The following ESR1 variants were observed in gnomAD, a reference collection of about 807,000 sequenced individuals.
The protein encoded by ESR1 is estrogen receptor 1.
In ESR1, 12 loss-of-function variants were observed where a neutral mutation model predicts 52.7. The observed-to-expected ratio is 0.23, with a 90% CI of 0.15 to 0.37. The LOEUF is 0.37. Ranked by LOEUF, ESR1 falls within the 10% of genes least tolerant of loss-of-function variation. The pLI is 1.00. For missense variants in ESR1, 584 were observed against 779.7 expected (o/e 0.75, Z 2.99); for synonymous variants, 305 against 316.8 (o/e 0.96, Z 0.39).
chr6:152,055,100 G>C (rs1256562315), intron 5 of ESR1, among the ~76,000 whole-genome samples: 1 of 152,032 alleles, frequency 6.6e-6, no homozygotes, highest in Non-Finnish European at 1.5e-5. Flanking sequence ...TGGTCACCCA[G>C]GTTGATTCCA....
At chr6:151,768,889 C>T (rs6916835) in intron 2 of ESR1, among the ~76,000 whole-genome samples, 45,476 of 152,070 alleles carry the variant, frequency 0.3, 8,525 homozygotes, top group East Asian at 0.72. Context: ...TGTTTTCCTG[C>T]TGGTCAAAGA....
chr6:151,838,334 G>C (rs1409614487), intron 1 of ESR1, among the ~76,000 whole-genome samples: 1 of 152,236 alleles, frequency 6.6e-6, no homozygotes, highest in African/African-American at 2.4e-5. Context: ...GCCAGGTAGA[G>C]AGCAGCAGGA....
intron 1 of ESR1, among the ~76,000 whole-genome samples, chr6:151,678,971 C>A (rs1246379553): frequency 6.6e-6 from 1 of 152,200 alleles, no homozygotes; most frequent in Non-Finnish European, 1.5e-5. Context: ...AGGCATGAGC[C>A]ACCACACCCA....
chr6:152,016,070 G>A (rs559153712), intron 5 of ESR1, among the ~76,000 whole-genome samples: 1 of 152,206 alleles, frequency 6.6e-6, no homozygotes, highest in South Asian at 2.1e-4. Context: ...CTGTTAGTGT[G>A]GTAGTGAATA....
rs1423421688 is a variant in ESR1 at position 152,061,048 on chromosome 6, A to G, written c.1293A>G (p.Thr431=). 1.2e-6 allele frequency: 2 copies of G among 1,613,504 alleles called. No individual in the cohort carries two copies. The highest frequency in any genetic ancestry group is 1.7e-5 in the Admixed American group (1 of 59,972). ...MVEIFDMLLA[T]SSRFRMMNLQ... ...AGATCTTCGACATGCTGCTGGCTAC[A>G]TCATCTCGGTTCCGCATGATGAATC... Residue 431 remains threonine (T), a synonymous_variant, in exon 6 of 8, where the codon ACA becomes ACG. Coordinates refer to ENST00000206249, the MANE Select transcript of ESR1 (RefSeq NM_000125.4). This position sits in a 1 kb window ranked among gnomAD's most constrained non-coding sequence, Gnocchi z 4.3.
At chr6:151,758,414 C>G (rs549098972) in intron 2 of ESR1, among the ~76,000 whole-genome samples, 2 of 152,230 alleles carry the variant, frequency 1.3e-5, no homozygotes, top group East Asian at 3.9e-4. Flanking sequence ...AAAAATATAG[C>G]ATGTGTGAGT....
At chr6:151,926,302 C>T (rs1226463238) in intron 3 of ESR1, among the ~76,000 whole-genome samples, 1 of 152,096 alleles carries the variant, frequency 6.6e-6, no homozygotes, top group Non-Finnish European at 1.5e-5. Context: ...TTTTGTTCTT[C>T]TTCAGTATTA....
chr6:151,870,516 A>G (rs1041117969), intron 2 of ESR1, among the ~76,000 whole-genome samples: 1 of 152,212 alleles, frequency 6.6e-6, no homozygotes, highest in African/African-American at 2.4e-5. Context: ...GCACTCCTGA[A>G]AGACTTGTGA....
intron 5 of ESR1, among the ~76,000 whole-genome samples, chr6:152,050,881 G>T (rs1056140666): frequency 8.5e-5 from 13 of 152,212 alleles, no homozygotes; most frequent in Non-Finnish European, 1.8e-4. Context: ...GTTTAATATT[G>T]TCAATTGTCA....
intron 7 of ESR1, among the ~76,000 whole-genome samples, chr6:152,096,134 A>T (rs2152500038): frequency 6.6e-6 from 1 of 152,328 alleles, no homozygotes; most frequent in Middle Eastern, 3.4e-3. Flanking sequence ...AAGTGATGAC[A>T]CTAGAAGGAC....
chr6:151,852,542 A>G, intron 2 of ESR1, among the ~76,000 whole-genome samples: 1 of 152,160 alleles, frequency 6.6e-6, no homozygotes, highest in East Asian at 1.9e-4. Flanking sequence ...CAATTCAGAA[A>G]GAACATCCTG....
upstream of ESR1, among the ~76,000 whole-genome samples, chr6:151,688,633 A>G (rs1275819789): frequency 1.3e-5 from 2 of 152,216 alleles, no homozygotes; most frequent in Non-Finnish European, 2.9e-5. Flanking sequence ...GGGAAAAAAA[A>G]AAGAAAAAAA....
chr6:151,757,095 A>G (rs1220967511), intron 2 of ESR1, among the ~76,000 whole-genome samples: 1 of 152,204 alleles, frequency 6.6e-6, no homozygotes, highest in Non-Finnish European at 1.5e-5. Flanking sequence ...GAGGGTACAG[A>G]GAGAGTTCCT....
chr6:152,109,735 C>G (rs1207481652), intron 6 of ESR1, among the ~76,000 whole-genome samples: 1 of 152,116 alleles, frequency 6.6e-6, no homozygotes. Context: ...GTGAATACCA[C>G]CAAAAGAGCA....
chr6:152,072,029 C>G (rs2048389107), intron 6 of ESR1, among the ~76,000 whole-genome samples: 1 of 152,166 alleles, frequency 6.6e-6, no homozygotes, highest in African/African-American at 2.4e-5. Flanking sequence ...GTAACCTTAT[C>G]ATGCAATGCG....
chr6:151,710,179 G>T (rs1231358523), intron 2 of ESR1, among the ~76,000 whole-genome samples: 2 of 151,330 alleles, frequency 1.3e-5, no homozygotes, highest in African/African-American at 4.8e-5. Flanking sequence ...GTATTGCTTT[G>T]ATTATAATAG....
chr6:151,775,207 G>T (rs1236773686), intron 2 of ESR1, among the ~76,000 whole-genome samples: 1 of 152,198 alleles, frequency 6.6e-6, no homozygotes, highest in Non-Finnish European at 1.5e-5. Context: ...CCATGATGGA[G>T]AGTAATACAA....
chr6:151,660,968 G>C (rs1461019375), intron 1 of ESR1, among the ~76,000 whole-genome samples: 1 of 152,156 alleles, frequency 6.6e-6, no homozygotes, highest in Admixed American at 6.5e-5. Flanking sequence ...TCAGGCATCA[G>C]TATTTGTAAA....
intron 6 of ESR1, among the ~76,000 whole-genome samples, chr6:152,111,348 G>T (rs1054775350): frequency 6.6e-6 from 1 of 152,238 alleles, no homozygotes; most frequent in Non-Finnish European, 1.5e-5. Context: ...GGGTGCCTGG[G>T]ATGCACTCCA....
Sources: allele counts gnomAD v4.1 joint callset (sites outside exome capture counted in the v4.1 genomes callset), GRCh38; gene constraint gnomAD v4.1.1; non-coding constraint Gnocchi (gnomAD v3.1); transcripts MANE v1.5; gene names NCBI Gene and HGNC (gene_info 2026-07-23, HGNC 2026-07-21).